Variants in NAPEPLD observed in about 807,000 individuals in gnomAD.
NAPEPLD encodes the protein N-acyl phosphatidylethanolamine phospholipase D.
Under a neutral mutation model 38.1 loss-of-function variants are expected in NAPEPLD, and 23 were observed. The observed-to-expected ratio is 0.60, with a 90% CI of 0.43 to 0.86. NAPEPLD has a LOEUF of 0.86. Ranked by LOEUF, NAPEPLD falls within the 40% of genes least tolerant of loss-of-function variation. The probability of loss-of-function intolerance (pLI) is 0.00; values close to 1 mark genes in which losing one functional copy is unlikely to be tolerated. For missense variants in NAPEPLD, 411 were observed against 476.8 expected, an observed-to-expected ratio of 0.86 and a Z score of 1.28; for synonymous variants, 147 against 162.0, an observed-to-expected ratio of 0.91 and a Z score of 0.71.
intron 1 of NAPEPLD, among the ~76,000 whole-genome samples, chr7:103,140,537 A>T (rs371304940): frequency 7.9e-5 from 12 of 151,596 alleles, no homozygotes; most frequent in African/African-American, 2.9e-4. Flanking sequence ...GGACTACAGG[A>T]GCCCGCCACC....
chr7:103,131,663 GAA>G (rs757366929), intron 1 of NAPEPLD, among the ~76,000 whole-genome samples: 2 of 137,524 alleles, frequency 1.5e-5, no homozygotes, highest in African/African-American at 2.6e-5. Flanking sequence ...GTCTCAAGGG[GAA>G]AAAAAAAAAA....
chr7:103,142,141 T>A (rs1371299247), intron 1 of NAPEPLD, among the ~76,000 whole-genome samples: 1 of 152,142 alleles, frequency 6.6e-6, no homozygotes, highest in Non-Finnish European at 1.5e-5. Context: ...AGACAAGCAT[T>A]TAGGAAGGAT....
In NAPEPLD at chr7:103,103,459, T is replaced by A; in HGVS notation, c.1152A>T (p.Arg384Ser). The A allele has an allele frequency of 1.9e-6, 3 of 1,585,720 alleles. No homozygotes were observed. The highest frequency in any genetic ancestry group is 2.6e-6 in the Non-Finnish European group (3 of 1,172,194). ...DFFVLKHGES[R>S]YLNNDDENF ...AGTTTTCATCATCATTATTTAGGTA[T>A]CTTGATTCTCCATGCTTCAAGACAA... The change falls in exon 5 of 5, where the codon AGA becomes AGT. Residue 384 changes from arginine (R) to serine (S), a missense_variant. Coordinates refer to ENST00000465647, the MANE Select transcript of NAPEPLD (RefSeq NM_001122838.3).
At chr7:103,107,606 C>T (rs901125742) in intron 4 of NAPEPLD, among the ~76,000 whole-genome samples, 18 of 151,852 alleles carry the variant, frequency 1.2e-4, no homozygotes, top group African/African-American at 4.1e-4. Flanking sequence ...ATTAAGCATA[C>T]ACAGTATCAA....
At chr7:103,128,436 C>T in intron 2 of NAPEPLD, 47 bp downstream of exon 2, 1 of 1,591,272 alleles carries the variant, frequency 6.3e-7, no homozygotes, top group Non-Finnish European at 8.6e-7. Context: ...ACTAGAGTGT[C>T]ATATATGAAG....
chr7:103,136,912 A>T (rs1422875178), intron 1 of NAPEPLD, among the ~76,000 whole-genome samples: 1 of 152,180 alleles, frequency 6.6e-6, no homozygotes, highest in Non-Finnish European at 1.5e-5. Flanking sequence ...ACCAACCAAA[A>T]GCATTTAAGA....
chr7:103,134,447 C>T lies in NAPEPLD; in HGVS notation c.-16-5655G>A, dbSNP rs561308120. On this transcript the variant is annotated intron_variant, in intron 1 of 4. Coordinates refer to ENST00000465647, the MANE Select transcript of NAPEPLD (RefSeq NM_001122838.3). ...GGTGGATCACCTCAGGTCGGGAGTT[C>T]GAGACCAGCCTGGCCAACATGGTGA... 2.6e-5 allele frequency among the ~76,000 whole-genome samples: 4 copies of T among 152,098 alleles called. No individual in the cohort carries two copies. The East Asian group carries it at 5.8e-4, about 22-fold the overall frequency.
chr7:103,138,697 C>T (rs1185835633), intron 1 of NAPEPLD, among the ~76,000 whole-genome samples: 1 of 152,002 alleles, frequency 6.6e-6, no homozygotes, highest in Non-Finnish European at 1.5e-5. Flanking sequence ...CTTGAACTCC[C>T]GACCTCAGGT....
intron 2 of NAPEPLD, among the ~76,000 whole-genome samples, chr7:103,123,050 G>A (rs937017295): frequency 6.6e-6 from 1 of 152,142 alleles, no homozygotes; most frequent in Non-Finnish European, 1.5e-5. Context: ...CCACCTACAT[G>A]GAGACTGCTT....
At chr7:103,128,444 A>C in intron 2 of NAPEPLD, 39 bp downstream of exon 2, 1 of 1,601,570 alleles carries the variant, frequency 6.2e-7, no homozygotes, top group African/African-American at 1.3e-5. Flanking sequence ...GTCATATATG[A>C]AGAGCAAATA....
chr7:103,149,274 C>G, upstream of NAPEPLD: 14 of 1,038,870 alleles, frequency 1.3e-5, no homozygotes, highest in Non-Finnish European at 1.6e-5. Flanking sequence ...GGGGTGCGGA[C>G]TCACCTCGCG....
intron 4 of NAPEPLD, among the ~76,000 whole-genome samples, chr7:103,114,077 A>C (rs187008719): frequency 1.6e-3 from 240 of 151,112 alleles, no homozygotes; most frequent in African/African-American, 4.8e-3. Flanking sequence ...TTGTATTTTT[A>C]GTAGAGACGG....
chr7:103,142,056 T>A (rs1195951272), intron 1 of NAPEPLD: 2 of 589,982 alleles, frequency 3.4e-6, no homozygotes, highest in African/African-American at 3.7e-5. Context: ...TTTTTAAAAG[T>A]TCTGTGGGTG....
At chr7:103,140,240 T>C (rs983882649) in intron 1 of NAPEPLD, among the ~76,000 whole-genome samples, 2 of 152,176 alleles carry the variant, frequency 1.3e-5, no homozygotes, top group African/African-American at 4.8e-5. Flanking sequence ...TAGTAGGATA[T>C]ACATGTATAC....
Position 103,101,170 on chromosome 7 carries a change from A to G in NAPEPLD, c.*2259T>C, listed in dbSNP as rs887641275. On this transcript the variant is annotated 3_prime_UTR_variant, in exon 5 of 5. Coordinates refer to ENST00000465647, the MANE Select transcript of NAPEPLD (RefSeq NM_001122838.3). ...AACAACGCTGGCTAGTATTAGGGCAACACACCTCAAAGCTAACTCACCATA... is the reference window on the plus strand; with the variant it reads ...AACAACGCTGGCTAGTATTAGGGCAGCACACCTCAAAGCTAACTCACCATA... 2 of 152,218 alleles carry G rather than the reference A, an allele frequency of 1.3e-5. No individual in the cohort carries two copies. Among genetic ancestry groups the G allele is most frequent in the African/African-American group, 2.4e-5 (1 of 41,456 alleles). The allele number at this position is 152,218 out of a possible 1,614,324, so 9.4% of individuals were successfully genotyped here.
At chr7:103,119,353 G>T (rs983190213) in intron 3 of NAPEPLD, among the ~76,000 whole-genome samples, 1 of 151,842 alleles carries the variant, frequency 6.6e-6, no homozygotes, top group East Asian at 1.9e-4. Flanking sequence ...ACATCATGTT[G>T]CACACCATAT....
In NAPEPLD at chr7:103,148,984, C is replaced by G. The variant is rs559007936; in HGVS notation, c.-190G>C. On this transcript the variant is annotated 5_prime_UTR_variant, in exon 1 of 5. Coordinates refer to ENST00000465647, the MANE Select transcript of NAPEPLD (RefSeq NM_001122838.3). ...GAGGTGCGAAAATTCAAATGAAGCC[C>G]TGTCGCTCACAAGTGCGGCATCTCC... The G allele has an allele frequency of 1.0e-6, 1 of 985,412 alleles. No individual in the cohort carries two copies. Among genetic ancestry groups the G allele is most frequent in the Admixed American group, 6.1e-5 (1 of 16,290 alleles). 61.0% of individuals were successfully genotyped at this position (985,412 alleles called of 1,614,324 possible). A position where few individuals can be genotyped will look rare whatever the true frequency, so the allele number is the denominator to read the frequency against.
Position 103,100,751 on chromosome 7 carries a change from A to G in NAPEPLD, c.*2678T>C, listed in dbSNP as rs1802281865. 6.6e-6 allele frequency: 1 copy of G among 152,228 alleles called. No homozygotes were observed. The highest frequency in any genetic ancestry group is 2.1e-4 in the South Asian group (1 of 4,838). 9.4% of individuals were successfully genotyped at this position (152,228 alleles called of 1,614,324 possible). A position where few individuals can be genotyped will look rare whatever the true frequency, so the allele number is the denominator to read the frequency against. On this transcript the variant is annotated 3_prime_UTR_variant, in exon 5 of 5. Coordinates refer to ENST00000465647, the MANE Select transcript of NAPEPLD (RefSeq NM_001122838.3). ...GAATGGATTTGTCTTATTTTTCAAA[A>G]TTTGTTTTCACTTTGCACATAAACC...
At chr7:103,143,055 C>G (rs1811767337) in intron 1 of NAPEPLD, among the ~76,000 whole-genome samples, 1 of 68,690 alleles carries the variant, frequency 1.5e-5, no homozygotes, top group African/African-American at 3.5e-5. Flanking sequence ...GAGACTCTGT[C>G]TCTACAAAAA....
Sources: allele counts gnomAD v4.1 joint callset (sites outside exome capture counted in the v4.1 genomes callset), GRCh38; gene constraint gnomAD v4.1.1; transcripts MANE v1.5; gene names NCBI Gene and HGNC (gene_info 2026-07-23, HGNC 2026-07-21).